TRAPPC9: variants seen among roughly 807,000 people sequenced by gnomAD.
The protein encoded by TRAPPC9 is trafficking protein particle complex subunit 9.
A neutral mutation model predicts 124.0 loss-of-function variants in TRAPPC9; 83 were observed. The ratio of observed to expected loss-of-function variants is 0.67; its 90% CI spans 0.56 to 0.80. The LOEUF (loss-of-function observed/expected upper bound fraction) is 0.80. Ranked by LOEUF, TRAPPC9 falls within the 30% of genes least tolerant of loss-of-function variation. The probability of loss-of-function intolerance (pLI) is 0.00; values close to 1 mark genes in which losing one functional copy is unlikely to be tolerated. For synonymous variants in TRAPPC9, 638 were observed against 617.5 expected, an observed-to-expected ratio of 1.03 and a Z score of -0.49; for missense variants, 1,302 against 1,508.3, an observed-to-expected ratio of 0.86 and a Z score of 2.27.
intron 21 of TRAPPC9, among the ~76,000 whole-genome samples, chr8:139,756,743 T>A (rs867999395): frequency 1.4e-4 from 11 of 80,426 alleles, no homozygotes; most frequent in South Asian, 9.7e-4. Context: ...GGAGCCAGGG[T>A]TGGGGTATAA....
At position 139,784,144 on chromosome 8, in the gene TRAPPC9, A is replaced by G. The variant is rs142037206; in HGVS notation, c.3056-51942T>C. On this transcript the variant is annotated intron_variant, in intron 21 of 22. Coordinates refer to ENST00000438773, the MANE Select transcript of TRAPPC9 (RefSeq NM_001160372.4). The stretch of plus-strand genomic sequence containing the variant: ...ACTGGAAGTACTAGGCAAAGAAAAA[A>G]TAAAATGCATTAGTTTGGAAAAGAA... Among the ~76,000 whole-genome samples, 5 of 152,364 alleles carry G rather than the reference A, an allele frequency of 3.3e-5. No homozygotes were observed. The East Asian group carries it at 7.7e-4, about 23-fold the overall frequency.
At chr8:139,884,306 G>C (rs1003113856) in intron 21 of TRAPPC9, among the ~76,000 whole-genome samples, 1 of 151,942 alleles carries the variant, frequency 6.6e-6, no homozygotes, top group Admixed American at 6.5e-5. Context: ...TCTGCTCCTG[G>C]GTGCCCCGTT....
intron 20 of TRAPPC9, among the ~76,000 whole-genome samples, chr8:139,890,934 C>A (rs78280030): frequency 0.13 from 19,043 of 152,026 alleles, 1,141 homozygotes; most frequent in East Asian, 0.2. Flanking sequence ...AAGAAGGGAC[C>A]GCTGTTCAGC....
At chr8:139,829,482 T>C (rs1825838429) in intron 21 of TRAPPC9, among the ~76,000 whole-genome samples, 1 of 152,234 alleles carries the variant, frequency 6.6e-6, no homozygotes, top group Non-Finnish European at 1.5e-5. Flanking sequence ...TCTGCCTCAA[T>C]GCTCATCTGC....
chr8:139,971,744 T>C (rs1836088924), intron 19 of TRAPPC9, among the ~76,000 whole-genome samples: 2 of 11,244 alleles, frequency 1.8e-4, no homozygotes, highest in African/African-American at 6.8e-4. Context: ...CACACATATA[T>C]ATATACACAC....
At chr8:139,892,987 C>T (rs766230258) in intron 20 of TRAPPC9, among the ~76,000 whole-genome samples, 24 of 152,216 alleles carry the variant, frequency 1.6e-4, no homozygotes, top group Admixed American at 9.2e-4. Flanking sequence ...CCCCAGTGCC[C>T]GTTCTGCAGG....
intron 5 of TRAPPC9, among the ~76,000 whole-genome samples, chr8:140,408,186 A>G (rs1375983993): frequency 6.6e-6 from 1 of 152,200 alleles, no homozygotes; most frequent in African/African-American, 2.4e-5. Flanking sequence ...ATCAAGACCC[A>G]TAGCCTGTAG....
intron 6 of TRAPPC9, among the ~76,000 whole-genome samples, chr8:140,404,113 C>T (rs2069384930): frequency 6.6e-6 from 1 of 152,086 alleles, no homozygotes; most frequent in Non-Finnish European, 1.5e-5. Context: ...TAATCAGTAA[C>T]AGGATTGGTG....
intron 11 of TRAPPC9, among the ~76,000 whole-genome samples, chr8:140,299,786 C>T (rs1025073928): frequency 4.6e-5 from 7 of 152,232 alleles, no homozygotes; most frequent in Non-Finnish European, 2.9e-5. Context: ...GGGACGAGAG[C>T]TCAGACACAG....
chr8:140,450,743 T>C (rs2071424251), intron 2 of TRAPPC9, 47 bp downstream of exon 2: 4 of 1,450,410 alleles, frequency 2.8e-6, no homozygotes, highest in African/African-American at 1.4e-5. Flanking sequence ...TGCTTTCCCT[T>C]TCTGATGCAG....
chr8:139,939,269 G>C (rs1277738986), intron 19 of TRAPPC9, among the ~76,000 whole-genome samples: 2 of 152,236 alleles, frequency 1.3e-5, no homozygotes, highest in Non-Finnish European at 2.9e-5. Context: ...CTGGACACCG[G>C]GGTCTGGAGA....
intron 19 of TRAPPC9, among the ~76,000 whole-genome samples, chr8:139,936,152 G>A (rs949520987): frequency 1.6e-4 from 25 of 152,274 alleles, no homozygotes; most frequent in East Asian, 3.9e-4. Flanking sequence ...CCCTAACTCC[G>A]GCCCTTTTGA....
intron 18 of TRAPPC9, among the ~76,000 whole-genome samples, chr8:139,994,305 G>C (rs538530820): frequency 1.1e-3 from 173 of 152,380 alleles, no homozygotes; most frequent in African/African-American, 3.9e-3. Flanking sequence ...CTGTGGAGCC[G>C]AGAGGATTGC....
chr8:140,289,525 G>A (rs1392569185), intron 12 of TRAPPC9, among the ~76,000 whole-genome samples: 1 of 152,130 alleles, frequency 6.6e-6, no homozygotes, highest in African/African-American at 2.4e-5. Flanking sequence ...CATTTCATAG[G>A]TTTAAAATAC....
At chr8:139,925,043 G>A (rs1289491641) in intron 19 of TRAPPC9, among the ~76,000 whole-genome samples, 2 of 152,166 alleles carry the variant, frequency 1.3e-5, no homozygotes, top group Non-Finnish European at 2.9e-5. Flanking sequence ...TACAACTCAC[G>A]CCTCCCACTG....
chr8:139,952,052 T>A (rs1834677047), intron 19 of TRAPPC9, among the ~76,000 whole-genome samples: 2 of 152,218 alleles, frequency 1.3e-5, no homozygotes, highest in Non-Finnish European at 2.9e-5. Flanking sequence ...GTGAAGGAAA[T>A]AATCATCTCC....
chr8:139,755,834 G>T (rs2130278343), intron 21 of TRAPPC9, among the ~76,000 whole-genome samples: 1 of 142,786 alleles, frequency 7.0e-6, no homozygotes, highest in East Asian at 2.2e-4. Context: ...CAGGTCGCAG[G>T]AGGAGCCAGG....
At chr8:140,455,720 TG>T (rs2071635955) in intron 1 of TRAPPC9, among the ~76,000 whole-genome samples, 3 of 152,158 alleles carry the variant, frequency 2.0e-5, no homozygotes, top group Admixed American at 6.6e-5. Flanking sequence ...TGAGCCACCA[TG>T]CCTGGCCAGG....
At chr8:140,016,932 T>C (rs1839503590) in intron 18 of TRAPPC9, among the ~76,000 whole-genome samples, 1 of 152,220 alleles carries the variant, frequency 6.6e-6, no homozygotes, top group African/African-American at 2.4e-5. Flanking sequence ...ATTCTGGCTG[T>C]TTCACATTCT....
Sources: gnomAD v4.1 joint callset for allele counts (sites outside exome capture counted in the v4.1 genomes callset) on GRCh38, gnomAD v4.1.1 for gene constraint, MANE v1.5 for transcripts, NCBI Gene and HGNC (gene_info 2026-07-23, HGNC 2026-07-21) for gene names.